Variants in GULP1 observed in about 807,000 individuals in gnomAD.
GULP1 encodes the protein PTB domain-containing engulfment adapter protein 1.
A neutral mutation model predicts 40.9 loss-of-function variants in GULP1; 19 were observed. The observed-to-expected ratio is 0.46, with a 90% CI of 0.32 to 0.68. GULP1 has a LOEUF of 0.68. Among genes scored for constraint, GULP1 ranks in the 30% least tolerant of loss-of-function variants. The pLI, the probability that GULP1 is intolerant of heterozygous loss-of-function variation, is 0.03. For synonymous variants in GULP1, 119 were observed against 117.6 expected, an observed-to-expected ratio of 1.01 and a Z score of -0.08; for missense variants, 312 against 362.2, an observed-to-expected ratio of 0.86 and a Z score of 1.12.
Position 188,570,115 on chromosome 2 carries a change from C to A in GULP1, c.604C>A (p.Pro202Thr). Residue 202 changes from proline to threonine, a missense_variant, in exon 9 of 12, where the codon CCT (proline) becomes ACT (threonine). Transcript: ENST00000409830. ...NQLRITQVSA[P>T]PAGSMTPKSP... ...ACTGAGAATAACTCAAGTATCAGCA[C>A]CTCCAGTGAGTATATTGAATATCCT... 1.5e-6 allele frequency: 2 copies of A among 1,321,182 alleles called. No homozygotes were observed. The highest frequency in any genetic ancestry group is 1.3e-5 in the South Asian group (1 of 78,674). 81.8% of individuals were successfully genotyped at this position (1,321,182 alleles called of 1,614,324 possible). A position where few individuals can be genotyped will look rare whatever the true frequency, so the allele number is the denominator to read the frequency against.
At chr2:188,455,618 C>T (rs1170307784) in intron 2 of GULP1, among the ~76,000 whole-genome samples, 1 of 152,078 alleles carries the variant, frequency 6.6e-6, no homozygotes, top group African/African-American at 2.4e-5. Flanking sequence ...GTAAATTGCC[C>T]AATTTCAGGT....
chr2:188,472,722 C>T (rs1485507533), intron 2 of GULP1, among the ~76,000 whole-genome samples: 4 of 152,124 alleles, frequency 2.6e-5, no homozygotes, highest in South Asian at 4.1e-4. Flanking sequence ...GTTTCTTCAA[C>T]AAAGCTATTT....
chr2:188,529,076 T>G, intron 5 of GULP1, 21 bp from the exon 6 acceptor site: 1 of 1,048,862 alleles, frequency 9.5e-7, no homozygotes, highest in Non-Finnish European at 1.5e-6. Flanking sequence ...TGTAGCTTTG[T>G]GAATAATTTT....
intron 2 of GULP1, among the ~76,000 whole-genome samples, chr2:188,444,977 T>C (rs2058257883): frequency 6.6e-6 from 1 of 152,210 alleles, no homozygotes; most frequent in African/African-American, 2.4e-5. Context: ...CAACTGATTG[T>C]CACCTATTAT....
At chr2:188,498,253 A>G (rs1477665518) in intron 4 of GULP1, among the ~76,000 whole-genome samples, 1 of 151,886 alleles carries the variant, frequency 6.6e-6, no homozygotes, top group Admixed American at 6.6e-5. Context: ...AGTAAAATAG[A>G]TAAAGAATTA....
At chr2:188,323,868 C>G (rs1383520279) in intron 1 of GULP1, among the ~76,000 whole-genome samples, 1 of 151,554 alleles carries the variant, frequency 6.6e-6, no homozygotes, top group East Asian at 1.9e-4. Context: ...GCTGGCGTAT[C>G]CTCTCAATTT....
intron 1 of GULP1, among the ~76,000 whole-genome samples, chr2:188,357,483 C>G (rs564372769): frequency 2.6e-5 from 4 of 152,068 alleles, no homozygotes; most frequent in African/African-American, 9.6e-5. Flanking sequence ...TAGTGCATAT[C>G]AAAACTATGA....
At chr2:188,500,790 C>T (rs1436386487) in intron 4 of GULP1, among the ~76,000 whole-genome samples, 1 of 151,788 alleles carries the variant, frequency 6.6e-6, no homozygotes, top group Non-Finnish European at 1.5e-5. Context: ...CTTGATACTC[C>T]CTCAATGGGG....
intron 11 of GULP1, chr2:188,589,721 C>T: frequency 3.7e-6 from 5 of 1,350,474 alleles, no homozygotes; most frequent in South Asian, 1.5e-5. Flanking sequence ...AAATTCTTTA[C>T]TGCTTTCATG....
intron 4 of GULP1, among the ~76,000 whole-genome samples, chr2:188,502,350 T>C (rs2063514073): frequency 6.6e-6 from 1 of 151,962 alleles, no homozygotes; most frequent in Non-Finnish European, 1.5e-5. Context: ...TTATCAGGAT[T>C]CATTCTTGAG....
At position 188,455,803 on chromosome 2, in the gene GULP1, G is replaced by A. The variant is rs575184937; in HGVS notation, c.-44-21856G>A. Among the ~76,000 whole-genome samples the A allele has an allele frequency of 2.0e-5, 3 of 152,304 alleles. No homozygotes were observed. The South Asian group carries it at 6.2e-4, about 32-fold the overall frequency. ...GGCTCAGAAGAAGACAGGAAAATGT[G>A]GGAAAGTTTGGAACTTCCTAGACAC... On this transcript the variant is annotated intron_variant, in intron 2 of 11. Transcript: ENST00000409830.
At chr2:188,450,933 C>G (rs555556383) in intron 2 of GULP1, among the ~76,000 whole-genome samples, 7 of 152,254 alleles carry the variant, frequency 4.6e-5, no homozygotes, top group African/African-American at 1.7e-4. Context: ...CCCATCTCAG[C>G]ACCTGACTTC....
chr2:188,591,014 A>G, intron 11 of GULP1: 1 of 152,218 alleles, frequency 6.6e-6, no homozygotes, highest in Non-Finnish European at 1.5e-5. Context: ...AAAAATACGG[A>G]CATATAGTAT....
chr2:188,428,885 G>GT (rs766551176), intron 2 of GULP1, among the ~76,000 whole-genome samples: 145 of 146,422 alleles, frequency 9.9e-4, no homozygotes, highest in East Asian at 2.2e-3. Flanking sequence ...AAAAAAGTGT[G>GT]TTTTTTTTTT....
At chr2:188,513,742 A>C (rs2064854472) in intron 4 of GULP1, among the ~76,000 whole-genome samples, 2 of 152,112 alleles carry the variant, frequency 1.3e-5, no homozygotes, top group Non-Finnish European at 2.9e-5. Context: ...ACTTGTACTC[A>C]TGTAAACTCT....
At chr2:188,428,295 A>G (rs373291900) in intron 2 of GULP1, among the ~76,000 whole-genome samples, 39 of 152,202 alleles carry the variant, frequency 2.6e-4, no homozygotes, top group African/African-American at 7.7e-4. Flanking sequence ...TTGACTTAAT[A>G]CTGGAATGAG....
rs982064148 is a variant in GULP1, at chr2:188,314,099, C to T, written c.-172+21933C>T. On this transcript the variant is annotated intron_variant, in intron 1 of 11. Transcript: ENST00000409830. ...GAAGTCTTAACACTGTCTGTAGAGT[C>T]GTTTTTAGTCATTTTTAGTTGTGGA... is the stretch of plus-strand genomic sequence containing the variant. Among the ~76,000 whole-genome samples the T allele has an allele frequency of 5.3e-5, 8 of 151,494 alleles. No individual in the cohort carries two copies. In the East Asian group the frequency reaches 7.8e-4, roughly 15 times the overall value.
At chr2:188,551,457 A>G in intron 7 of GULP1, among the ~76,000 whole-genome samples, 1 of 151,772 alleles carries the variant, frequency 6.6e-6, no homozygotes, top group East Asian at 1.9e-4. Flanking sequence ...TTCACTTAAG[A>G]TAATGACCTC....
At chr2:188,573,954 G>A (rs1415642719) in intron 9 of GULP1, among the ~76,000 whole-genome samples, 1 of 152,118 alleles carries the variant, frequency 6.6e-6, no homozygotes, top group Non-Finnish European at 1.5e-5. Context: ...TCACAGAAAG[G>A]TGACACTTTT....
Sources: allele counts gnomAD v4.1 joint callset (sites outside exome capture counted in the v4.1 genomes callset), GRCh38; gene constraint gnomAD v4.1.1; transcripts MANE v1.5; gene names NCBI Gene and HGNC (gene_info 2026-07-23, HGNC 2026-07-21).